Variants in CHKA observed in about 807,000 individuals in gnomAD.
CHKA encodes the protein choline kinase alpha.
Under a neutral mutation model 60.1 loss-of-function variants are expected in CHKA, and 34 were observed. The ratio of observed to expected loss-of-function variants is 0.57; its 90% CI spans 0.43 to 0.75. The LOEUF is 0.75. Among genes scored for constraint, CHKA ranks in the 30% least tolerant of loss-of-function variants. The pLI is 0.00. For missense variants in CHKA, 563 were observed against 561.3 expected (o/e 1.00, Z -0.03); for synonymous variants, 217 against 223.1 (o/e 0.97, Z 0.24).
intron 1 of CHKA, among the ~76,000 whole-genome samples, chr11:68,113,977 G>C (rs948863454): frequency 6.6e-6 from 1 of 151,886 alleles, no homozygotes; most frequent in Non-Finnish European, 1.5e-5. Context: ...GGCAACAAGA[G>C]TGAAACTCTG....
rs80257081 is a variant in CHKA at position 68,066,452 on chromosome 11, G to A, written c.993C>T (p.Phe331=). ...ACCTGTAATTGTAACTGCTGTATTCGAAATCAATGAGCATCAGTTTCTGTT... is the reference window on the plus strand; with the variant it reads ...ACCTGTAATTGTAACTGCTGTATTCAAAATCAATGAGCATCAGTTTCTGTT... ...SEKQKLMLID[F]EYSSYNYRGF... Residue 331 remains phenylalanine (F), a synonymous_variant, in exon 8 of 12, where the codon TTC becomes TTT. Transcript: ENST00000265689. 3.0e-4 allele frequency: 485 copies of A among 1,613,734 alleles called. 2 individuals carry two copies. In the East Asian group the frequency reaches 5.0e-3, roughly 17 times the overall value.
Position 68,081,422 on chromosome 11 carries a change from C to T in CHKA, c.498G>A (p.Gln166=), listed in dbSNP as rs1157073475. 1 of 1,613,704 alleles carries T rather than the reference C, an allele frequency of 6.2e-7. No individual in the cohort carries two copies. Among genetic ancestry groups the T allele is most frequent in the Non-Finnish European group, 8.5e-7 (1 of 1,179,646 alleles). ...SCNKEGSEQA[Q]KENEFQGAEA... Reference sequence around the variant, plus strand: ...TACTTACTTGAAATTCATTTTCTTTCTGAGCTTGTTCGGATCCCTCTTTAT... The same window carrying T: ...TACTTACTTGAAATTCATTTTCTTTTTGAGCTTGTTCGGATCCCTCTTTAT... The change falls in exon 3 of 12, where the codon CAG becomes CAA. Residue 166 remains glutamine (Q), a synonymous_variant. Coordinates refer to ENST00000265689, the MANE Select transcript of CHKA (RefSeq NM_001277.3).
In CHKA at chr11:68,065,694, C is replaced by G. The variant is rs1856418791; in HGVS notation, c.1125+92G>C. 12 of 888,886 alleles carry G rather than the reference C, an allele frequency of 1.3e-5. No homozygotes were observed. The South Asian group carries it at 1.6e-4, about 12-fold the overall frequency. 55.1% of individuals were successfully genotyped at this position (888,886 alleles called of 1,614,324 possible). A position where few individuals can be genotyped will look rare whatever the true frequency, so the allele number is the denominator to read the frequency against. On this transcript the variant is annotated intron_variant, in intron 9 of 11. Transcript: ENST00000265689. ...CCAGCCTGGGAAACAGAGTGAGACCCTGCCTCAAAAAATAAAAAAGAAGAT... is the reference window on the plus strand; with the variant it reads ...CCAGCCTGGGAAACAGAGTGAGACCGTGCCTCAAAAAATAAAAAAGAAGAT...
intron 1 of CHKA, among the ~76,000 whole-genome samples, chr11:68,115,124 G>C (rs1025786875): frequency 6.6e-6 from 1 of 152,186 alleles, no homozygotes; most frequent in Non-Finnish European, 1.5e-5. Context: ...TATAAAAACA[G>C]ACTTTCTGTT....
rs181768192 is a variant in CHKA, at chr11:68,053,538, C to G, written c.*450G>C. The G allele has an allele frequency of 6.4e-6, 1 of 156,494 alleles. No individual in the cohort carries two copies. The highest frequency in any genetic ancestry group is 1.9e-4 in the South Asian group (1 of 5,392). The allele number at this position is 156,494 out of a possible 1,614,324, so 9.7% of individuals were successfully genotyped here. A position where few individuals can be genotyped will look rare whatever the true frequency, so the allele number is the denominator to read the frequency against. ...AGTACATCTCTGCTCACTTGCTGTC[C>G]CTTGGGAGTGAGCACCGTCTATAAC... On this transcript the variant is annotated 3_prime_UTR_variant, in exon 12 of 12. Coordinates refer to ENST00000265689, the MANE Select transcript of CHKA (RefSeq NM_001277.3).
intron 3 of CHKA, 117 bp downstream of exon 3, chr11:68,081,287 A>C (rs1856978675): frequency 1.3e-6 from 1 of 761,454 alleles, no homozygotes; most frequent in Non-Finnish European, 2.2e-6. Flanking sequence ...TCCTCGTAGA[A>C]AGATAGATCA....
At chr11:68,106,661 T>C (rs865933106) in intron 1 of CHKA, among the ~76,000 whole-genome samples, 12 of 152,208 alleles carry the variant, frequency 7.9e-5, no homozygotes, top group Non-Finnish European at 1.5e-4. Flanking sequence ...TAAAACAATG[T>C]AGCAGTATCT....
At chr11:68,069,882 C>G (rs1172972074) in intron 6 of CHKA, among the ~76,000 whole-genome samples, 2 of 152,234 alleles carry the variant, frequency 1.3e-5, no homozygotes, top group East Asian at 3.9e-4. Flanking sequence ...CCCTTCTCCC[C>G]ACCAGAGAAA....
Position 68,097,321 on chromosome 11 carries a change from G to A in CHKA, c.351-191C>T, listed in dbSNP as rs947164598. 5.9e-5 allele frequency among the ~76,000 whole-genome samples: 9 copies of A among 152,304 alleles called. No individual in the cohort carries two copies. The South Asian group carries it at 1.4e-3, about 25-fold the overall frequency. On this transcript the variant is annotated intron_variant, in intron 1 of 11. Coordinates refer to ENST00000265689, the MANE Select transcript of CHKA (RefSeq NM_001277.3). ...TCCCTTTCTGTTTTTCTGCAGTAGA[G>A]GTGGGGAAGCGTTTTTGAAATTGCC...
intron 2 of CHKA, among the ~76,000 whole-genome samples, chr11:68,093,582 G>C (rs4073551): frequency 2.0e-5 from 3 of 151,922 alleles, no homozygotes; most frequent in African/African-American, 4.8e-5. Context: ...TCGGGACATA[G>C]AATTCTGTTC....
chr11:68,076,165 A>G (rs1338649498), intron 3 of CHKA, among the ~76,000 whole-genome samples: 1 of 152,200 alleles, frequency 6.6e-6, no homozygotes, highest in Non-Finnish European at 1.5e-5. Flanking sequence ...CATCATTCGT[A>G]TAATCCTCAC....
At chr11:68,097,175 C>T in intron 1 of CHKA, 45 bp from the exon 2 acceptor site, 1 of 1,411,792 alleles carries the variant, frequency 7.1e-7, no homozygotes, top group Non-Finnish European at 1.0e-6. Context: ...TGCAGGTGAG[C>T]TAAATCACTC....
intron 2 of CHKA, among the ~76,000 whole-genome samples, chr11:68,087,668 G>A (rs1052152929): frequency 1.3e-5 from 2 of 151,970 alleles, no homozygotes; most frequent in African/African-American, 4.8e-5. Flanking sequence ...TAAGAAACAT[G>A]GATGACATTC....
chr11:68,062,706 T>C (rs1590834619), intron 10 of CHKA, among the ~76,000 whole-genome samples: 4 of 152,212 alleles, frequency 2.6e-5, no homozygotes, highest in Admixed American at 2.6e-4. Flanking sequence ...TCTCTGTTCA[T>C]CCTGTGGTCC....
At chr11:68,096,505 T>C (rs1565188851) in intron 2 of CHKA, among the ~76,000 whole-genome samples, 1 of 152,190 alleles carries the variant, frequency 6.6e-6, no homozygotes, top group Non-Finnish European at 1.5e-5. Flanking sequence ...AATTAGATTA[T>C]CTAATATAAA....
chr11:68,093,562 T>C (rs1214184682), intron 2 of CHKA, among the ~76,000 whole-genome samples: 2 of 152,254 alleles, frequency 1.3e-5, no homozygotes, highest in Non-Finnish European at 2.9e-5. Context: ...TCTTTTTTCT[T>C]AGAAATAAAT....
At chr11:68,077,318 A>G (rs1353946189) in intron 3 of CHKA, among the ~76,000 whole-genome samples, 1 of 152,166 alleles carries the variant, frequency 6.6e-6, no homozygotes, top group African/African-American at 2.4e-5. Context: ...GAATCCTAGA[A>G]TAAGTGTACC....
intron 4 of CHKA, among the ~76,000 whole-genome samples, chr11:68,074,361 C>CA (rs766787146): frequency 2.6e-5 from 4 of 152,092 alleles, no homozygotes; most frequent in Non-Finnish European, 5.9e-5. Flanking sequence ...GGGCTACAGT[C>CA]AGAGACTGAG....
At chr11:68,103,266 G>A (rs1857793645) in intron 1 of CHKA, among the ~76,000 whole-genome samples, 1 of 152,042 alleles carries the variant, frequency 6.6e-6, no homozygotes, top group Non-Finnish European at 1.5e-5. Context: ...GAGATGGGAG[G>A]ATCACTTGAG....
Sources: allele counts gnomAD v4.1 joint callset (sites outside exome capture counted in the v4.1 genomes callset), GRCh38; gene constraint gnomAD v4.1.1; transcripts MANE v1.5; gene names NCBI Gene and HGNC (gene_info 2026-07-23, HGNC 2026-07-21).